Variants in CBLN2 observed in about 807,000 individuals in gnomAD.
The protein encoded by CBLN2 is cerebellin 2 precursor.
CBLN2 carries 7 observed loss-of-function variants against 15.0 expected under a neutral mutation model. The ratio of observed to expected loss-of-function variants is 0.47; its 90% CI spans 0.27 to 0.88. The LOEUF (loss-of-function observed/expected upper bound fraction) is 0.88, where lower values mean the gene tolerates loss of function less well. CBLN2 is among the 40% of genes least tolerant of loss of function. The probability of loss-of-function intolerance (pLI) is 0.14; values close to 1 mark genes in which losing one functional copy is unlikely to be tolerated. For synonymous variants in CBLN2, 149 were observed against 135.2 expected (o/e 1.10, Z -0.71); for missense variants, 242 against 304.5 (o/e 0.79, Z 1.53).
intron 1 of CBLN2, among the ~76,000 whole-genome samples, chr18:72,620,906 A>C (rs1163605153): frequency 6.6e-6 from 1 of 152,222 alleles, no homozygotes; most frequent in Non-Finnish European, 1.5e-5. Context: ...ATAAAAAGAA[A>C]AGTGCTATAA....
At chr18:72,544,358 G>A (rs2069142542), upstream of CBLN2, 1 of 152,180 alleles carries the variant, frequency 6.6e-6, no homozygotes, top group African/African-American at 2.4e-5. Context: ...AGCGGCTGGC[G>A]CTTGCGCTTA....
chr18:72,560,446 A>C (rs1022875270), intron 1 of CBLN2, among the ~76,000 whole-genome samples: 1 of 146,290 alleles, frequency 6.8e-6, no homozygotes, highest in Non-Finnish European at 1.5e-5. Context: ...CTAGAGAATT[A>C]TAGAAAAACG....
chr18:72,538,139 A>C lies in CBLN2; in HGVS notation c.*37T>G. On this transcript the variant is annotated 3_prime_UTR_variant, in exon 5 of 5. Coordinates refer to ENST00000269503, the MANE Select transcript of CBLN2 (RefSeq NM_182511.4). ...TTTTAAAGGGCGGAGTCCTGGGTCC[A>C]GTTTGCCATTCCCCCACCATCTAGG... is the stretch of plus-strand genomic sequence containing the variant. 3 of 1,608,786 alleles carry C rather than the reference A, an allele frequency of 1.9e-6. No homozygotes were observed. The highest frequency in any genetic ancestry group is 2.6e-6 in the Non-Finnish European group (3 of 1,175,258).
chr18:72,557,382 C>T (rs1292240957), intron 1 of CBLN2, among the ~76,000 whole-genome samples: 1 of 152,124 alleles, frequency 6.6e-6, no homozygotes. Context: ...GATTTATATT[C>T]TTTGGCTATA....
Position 72,542,176 on chromosome 18 carries a change from G to T in CBLN2, c.-16C>A. The stretch of plus-strand genomic sequence containing the variant: ...GCGCCTGCATCGGGACTGGTGGGAG[G>T]CGGCGCGCGGGGGTGGAGGCCGGCG... On this transcript the variant is annotated 5_prime_UTR_variant, in exon 3 of 5. Transcript: ENST00000269503. 5.8e-6 allele frequency: 7 copies of T among 1,216,408 alleles called. No individual in the cohort carries two copies. Among genetic ancestry groups the T allele is most frequent in the Non-Finnish European group, 7.1e-6 (7 of 979,942 alleles). The allele number at this position is 1,216,408 out of a possible 1,614,324, so 75.4% of individuals were successfully genotyped here.
upstream of CBLN2, among the ~76,000 whole-genome samples, chr18:72,546,203 C>G (rs1196476628): frequency 6.6e-6 from 1 of 151,984 alleles, no homozygotes; most frequent in Non-Finnish European, 1.5e-5. Context: ...TTTGGGAGGC[C>G]GAGGCGGGCG....
At chr18:72,579,205 T>G (rs370718681) in intron 1 of CBLN2, among the ~76,000 whole-genome samples, 29 of 152,312 alleles carry the variant, frequency 1.9e-4, no homozygotes, top group African/African-American at 7.0e-4. Context: ...TTCTCCAAAA[T>G]TTGAAGTATA....
intron 1 of CBLN2, among the ~76,000 whole-genome samples, chr18:72,601,888 C>T (rs1481878964): frequency 6.6e-6 from 1 of 152,214 alleles, no homozygotes; most frequent in Admixed American, 6.5e-5. Context: ...CTCCCTTTGG[C>T]TCTAACAGTA....
intron 1 of CBLN2, among the ~76,000 whole-genome samples, chr18:72,560,415 T>C (rs2069252600): frequency 6.6e-6 from 1 of 152,248 alleles, no homozygotes; most frequent in South Asian, 2.1e-4. Flanking sequence ...TTCCAAAGCC[T>C]TCAAAGCATG....
chr18:72,591,913 G>A (rs1344036436), intron 1 of CBLN2, among the ~76,000 whole-genome samples: 1 of 152,096 alleles, frequency 6.6e-6, no homozygotes, highest in African/African-American at 2.4e-5. Context: ...TAGACACATA[G>A]TTTCCTTCCA....
At chr18:72,619,629 A>T (rs1251551575) in intron 1 of CBLN2, among the ~76,000 whole-genome samples, 1 of 152,200 alleles carries the variant, frequency 6.6e-6, no homozygotes, top group Admixed American at 6.5e-5. Context: ...TTACCAGAGT[A>T]ACCTTCTATG....
At chr18:72,553,992 G>A (rs1319816457) in intron 1 of CBLN2, among the ~76,000 whole-genome samples, 3 of 152,120 alleles carry the variant, frequency 2.0e-5, no homozygotes, top group Non-Finnish European at 4.4e-5. Context: ...ATTACATGAA[G>A]TGCATATTTC....
intron 1 of CBLN2, chr18:72,552,770 C>A (rs2069199452): frequency 6.6e-6 from 1 of 151,904 alleles, no homozygotes; most frequent in Non-Finnish European, 1.5e-5. Flanking sequence ...GAGCTAAATC[C>A]CCATCTTTTA....
chr18:72,546,265 G>A (rs2069157405), upstream of CBLN2, among the ~76,000 whole-genome samples: 1 of 151,990 alleles, frequency 6.6e-6, no homozygotes, highest in South Asian at 2.1e-4. Flanking sequence ...GTGAAACCTT[G>A]TCTCTACTAA....
chr18:72,562,586 T>A (rs1359785992), intron 1 of CBLN2, among the ~76,000 whole-genome samples: 1 of 152,180 alleles, frequency 6.6e-6, no homozygotes, highest in Admixed American at 6.5e-5. Context: ...AGCTTTGGTA[T>A]AAAAATTGTG....
intron 1 of CBLN2, among the ~76,000 whole-genome samples, chr18:72,578,956 T>G (rs2069386006): frequency 1.3e-5 from 2 of 152,328 alleles, no homozygotes; most frequent in South Asian, 2.1e-4. Context: ...TGTCGCTCTC[T>G]GTGTCACAAT....
At chr18:72,556,173 C>T (rs1216941374) in intron 1 of CBLN2, among the ~76,000 whole-genome samples, 1 of 152,174 alleles carries the variant, frequency 6.6e-6, no homozygotes, top group Non-Finnish European at 1.5e-5. Context: ...TCCATGCTGA[C>T]TGGAACACAC....
At chr18:72,603,204 C>T (rs940426615) in intron 1 of CBLN2, among the ~76,000 whole-genome samples, 8 of 152,198 alleles carry the variant, frequency 5.3e-5, no homozygotes, top group African/African-American at 1.4e-4. Flanking sequence ...TCTTTTACAA[C>T]GTGTATTTGA....
rs186028131 is a variant in CBLN2, at chr18:72,609,680, T to G, written c.15+28645A>C. Among the ~76,000 whole-genome samples, 75 of 152,254 alleles carry G rather than the reference T, an allele frequency of 4.9e-4. No individual in the cohort carries two copies. The East Asian group carries it at 8.3e-3, about 17-fold the overall frequency. On this transcript the variant is annotated intron_variant, in intron 1 of 2. Coordinates refer to the CBLN2 transcript ENST00000581073. ...CATCAGTTTCAAAGGAGGTTTCAAT[T>G]TGCCATCCCCAGGTGCCATCCCTGT...
Sources: allele counts gnomAD v4.1 joint callset (sites outside exome capture counted in the v4.1 genomes callset), GRCh38; gene constraint gnomAD v4.1.1; transcripts MANE v1.5; gene names NCBI Gene and HGNC (gene_info 2026-07-23, HGNC 2026-07-21).